Variants in IQCJ observed in about 807,000 individuals in gnomAD.
The protein encoded by IQCJ is IQ domain-containing protein J.
A neutral mutation model predicts 11.0 loss-of-function variants in IQCJ; 9 were observed. The observed-to-expected ratio is 0.82, with a 90% confidence interval of 0.49 to 1.43. The LOEUF is 1.43. Ranked by LOEUF, IQCJ falls within the 40% of genes most tolerant of loss-of-function variation. The pLI is 0.00. For missense variants in IQCJ, 146 were observed against 133.2 expected (o/e 1.10, Z -0.47); for synonymous variants, 55 against 51.3 (o/e 1.07, Z -0.31).
At chr3:159,205,997 C>T (rs1174644580) in intron 1 of IQCJ, among the ~76,000 whole-genome samples, 1 of 152,170 alleles carries the variant, frequency 6.6e-6, no homozygotes, top group Non-Finnish European at 1.5e-5. Context: ...CTTAATTTCT[C>T]TCTGCCACAG....
rs190228075 is a variant in IQCJ, at chr3:159,086,097, G to T, written c.9+16656G>T. Among the ~76,000 whole-genome samples, 1,434 of 152,238 alleles carry T rather than the reference G, an allele frequency of 9.4e-3. 17 individuals are homozygous for T. Among genetic ancestry groups the T allele is most frequent in the African/African-American group, 0.033 (1,391 of 41,536 alleles). On this transcript the variant is annotated intron_variant, in intron 1 of 3. Transcript: ENST00000397832. ...CCATCTTGAATTGATTTTTGTATAA[G>T]GTGTAAAGAAGGGATCCAGTTTCAG...
intron 1 of IQCJ, among the ~76,000 whole-genome samples, chr3:159,111,397 G>GA (rs916595108): frequency 3.8e-4 from 58 of 151,108 alleles, no homozygotes; most frequent in African/African-American, 1.1e-3. Context: ...TGAAAATGAT[G>GA]AAAAAAAAAC....
intron 1 of IQCJ, among the ~76,000 whole-genome samples, chr3:159,194,925 AC>A (rs144649845): frequency 0.012 from 1,779 of 152,212 alleles, 26 homozygotes; most frequent in African/African-American, 0.041. Context: ...AGCCTGGCCA[AC>A]ATAGTGAAAC....
downstream of IQCJ, chr3:159,263,887 T>A (rs1165003733): frequency 4.4e-6 from 4 of 907,330 alleles, no homozygotes; most frequent in Non-Finnish European, 5.3e-6. Context: ...AAACAATTAT[T>A]TAGGGGAATG....
Position 159,223,363 on chromosome 3 carries a change from A to T in IQCJ, c.10-22480A>T, listed in dbSNP as rs1034922805. 7.2e-5 allele frequency among the ~76,000 whole-genome samples: 11 copies of T among 152,300 alleles called. No individual in the cohort carries two copies. The East Asian group carries it at 2.1e-3, about 29-fold the overall frequency. On this transcript the variant is annotated intron_variant, in intron 1 of 3. Coordinates refer to ENST00000397832, the MANE Select transcript of IQCJ (RefSeq NM_001042706.3). ...AAACTATTTGAAGAAATGGGGGATAAAAAGGAGTATAATATATGTAAAAAT... is the reference window on the plus strand; with the variant it reads ...AAACTATTTGAAGAAATGGGGGATATAAAGGAGTATAATATATGTAAAAAT...
chr3:159,203,571 C>T (rs534309655), intron 1 of IQCJ, among the ~76,000 whole-genome samples: 1 of 152,034 alleles, frequency 6.6e-6, no homozygotes, highest in African/African-American at 2.4e-5. Flanking sequence ...TAAAGGTAGC[C>T]TCATAGTCTC....
At chr3:159,168,682 G>T (rs1184945939) in intron 1 of IQCJ, among the ~76,000 whole-genome samples, 1 of 152,026 alleles carries the variant, frequency 6.6e-6, no homozygotes, top group Non-Finnish European at 1.5e-5. Flanking sequence ...CATTGTTAAT[G>T]AAACAGCTTA....
chr3:159,094,585 T>C (rs549581856), intron 1 of IQCJ, among the ~76,000 whole-genome samples: 1 of 151,864 alleles, frequency 6.6e-6, no homozygotes, highest in Non-Finnish European at 1.5e-5. Context: ...TCTTTCTTTG[T>C]ACATCTACAA....
intron 1 of IQCJ, among the ~76,000 whole-genome samples, chr3:159,243,795 C>T (rs1727079731): frequency 6.6e-6 from 1 of 152,160 alleles, no homozygotes; most frequent in African/African-American, 2.4e-5. Flanking sequence ...ACTACAAGAC[C>T]ACTCAGGTTA....
Position 159,185,434 on chromosome 3 carries a change from G to A in IQCJ, c.10-60409G>A, listed in dbSNP as rs552092604. Among the ~76,000 whole-genome samples the A allele has an allele frequency of 9.9e-5, 15 of 152,272 alleles. 1 individual carries two copies. The highest frequency in any genetic ancestry group is 3.6e-4 in the African/African-American group (15 of 41,554). On this transcript the variant is annotated intron_variant, in intron 1 of 3. Coordinates refer to ENST00000397832, the MANE Select transcript of IQCJ (RefSeq NM_001042706.3). Reference sequence around the variant, plus strand: ...AAAAGAAGGATAGAAAGGATCCTGAGTGCCAATCCACTATATTCATCAAAG... The same window carrying A: ...AAAAGAAGGATAGAAAGGATCCTGAATGCCAATCCACTATATTCATCAAAG...
intron 1 of IQCJ, among the ~76,000 whole-genome samples, chr3:159,203,681 G>A (rs1224074457): frequency 6.6e-6 from 1 of 152,078 alleles, no homozygotes; most frequent in African/African-American, 2.4e-5. Flanking sequence ...AAGCGGGGAG[G>A]TGGGAGAGGA....
At chr3:159,257,083 T>G (rs549911284) in intron 3 of IQCJ, among the ~76,000 whole-genome samples, 1 of 152,292 alleles carries the variant, frequency 6.6e-6, no homozygotes, top group Admixed American at 6.5e-5. Flanking sequence ...GAGATAAAAC[T>G]TTTTCTTCTT....
intron 1 of IQCJ, among the ~76,000 whole-genome samples, chr3:159,193,653 AC>A: frequency 6.6e-6 from 1 of 152,268 alleles, no homozygotes; most frequent in African/African-American, 2.4e-5. Context: ...GAAAATCTAT[AC>A]CCAAAATATG....
At chr3:159,245,249 G>A (rs1234549691) in intron 1 of IQCJ, among the ~76,000 whole-genome samples, 1 of 152,084 alleles carries the variant, frequency 6.6e-6, no homozygotes, top group Admixed American at 6.6e-5. Context: ...CCAGCAACCA[G>A]CAATGACAAT....
chr3:159,127,335 A>T (rs1026169323), intron 1 of IQCJ, among the ~76,000 whole-genome samples: 2 of 152,136 alleles, frequency 1.3e-5, no homozygotes, highest in Non-Finnish European at 2.9e-5. Context: ...GGCTCCACTG[A>T]CCAGCTGTGG....
In IQCJ at chr3:159,262,682, C is replaced by A. The variant is rs748470596; in HGVS notation, c.290C>A (p.Pro97His). 1 of 1,613,862 alleles carries A rather than the reference C, an allele frequency of 6.2e-7. No homozygotes were observed. The highest frequency in any genetic ancestry group is 8.5e-7 in the Non-Finnish European group (1 of 1,179,824). Reference protein sequence around the residue: ...SMNTFSDSSTPVSVMFLFLCP... With the variant: ...SMNTFSDSSTHVSVMFLFLCP... ...AACACCTTCTCCGACAGCAGCACAC[C>A]CGTGAGTGTCATGTTTCTTTTTCTA... The change falls in exon 4 of 4, where the codon CCC (proline) becomes CAC (histidine). Residue 97 changes from proline (P) to histidine (H), a missense_variant. Coordinates refer to ENST00000397832, the MANE Select transcript of IQCJ (RefSeq NM_001042706.3).
Position 159,157,370 on chromosome 3 carries a change from G to A in IQCJ, c.9+87929G>A, listed in dbSNP as rs370084511. On this transcript the variant is annotated intron_variant, in intron 1 of 3. Coordinates refer to ENST00000397832, the MANE Select transcript of IQCJ (RefSeq NM_001042706.3). ...ATAAGTGGCTCCCTTTTCTTTTCTCGCCTCTTCCCTCCATATCATTTTTTC... is the reference window on the plus strand; with the variant it reads ...ATAAGTGGCTCCCTTTTCTTTTCTCACCTCTTCCCTCCATATCATTTTTTC... Among the ~76,000 whole-genome samples the A allele has an allele frequency of 3.9e-5, 6 of 152,058 alleles. No homozygotes were observed. In the South Asian group the frequency reaches 1.2e-3, roughly 32 times the overall value.
chr3:159,187,894 A>G (rs761035830), intron 1 of IQCJ, among the ~76,000 whole-genome samples: 1 of 152,198 alleles, frequency 6.6e-6, no homozygotes, highest in South Asian at 2.1e-4. Context: ...TGGCTGCATG[A>G]CCTATTTTAA....
At chr3:159,123,776 C>G (rs1162911503) in intron 1 of IQCJ, among the ~76,000 whole-genome samples, 1 of 152,150 alleles carries the variant, frequency 6.6e-6, no homozygotes, top group African/African-American at 2.4e-5. Context: ...CCTTGGGCCT[C>G]TGTGAAGATA....
Sources: gnomAD v4.1 joint callset for allele counts (sites outside exome capture counted in the v4.1 genomes callset) on GRCh38, gnomAD v4.1.1 for gene constraint, MANE v1.5 for transcripts, NCBI Gene and HGNC (gene_info 2026-07-23, HGNC 2026-07-21) for gene names.